Variants in NRDE2 observed in about 807,000 individuals in gnomAD.
NRDE2 encodes the protein nuclear exosome regulator NRDE2.
NRDE2 carries 76 observed loss-of-function variants against 124.2 expected under a neutral mutation model. The observed-to-expected ratio is 0.61, with a 90% CI of 0.51 to 0.74. NRDE2 has a LOEUF of 0.74. NRDE2 is among the 30% of genes least tolerant of loss of function. The probability of loss-of-function intolerance (pLI) is 0.00; values close to 1 mark genes in which losing one functional copy is unlikely to be tolerated. For missense variants in NRDE2, 1,314 were observed against 1,417.3 expected (o/e 0.93, Z 1.17); for synonymous variants, 489 against 528.1 (o/e 0.93, Z 1.01).
chr14:90,272,753 G>A lies in NRDE2; in HGVS notation c.*5583C>T, dbSNP rs1369229835. ...CCAAGGAGTGTGGACCTCACTATGC[G>A]TTCGCCACATCACACCCCCAGAGCT... is the stretch of plus-strand genomic sequence containing the variant. On this transcript the variant is annotated 3_prime_UTR_variant, in exon 14 of 14. Transcript: ENST00000354366. The surrounding 1 kb of genome is among the most constrained non-coding windows in gnomAD (Gnocchi z 4.5). The A allele has an allele frequency of 2.9e-5, 5 of 172,622 alleles. No homozygotes were observed. Among genetic ancestry groups the A allele is most frequent in the Admixed American group, 6.2e-5 (1 of 16,026 alleles). The allele number at this position is 172,622 out of a possible 1,614,324, so 10.7% of individuals were successfully genotyped here.
In NRDE2 at chr14:90,268,736, CA is replaced by C; in HGVS notation, c.*9599del. On this transcript the variant is annotated 3_prime_UTR_variant, in exon 14 of 14. Transcript: ENST00000354366. Reference sequence around the variant, plus strand: ...CTCACAGGTTGTAGGGATCAGATACCAAACATGGAAACAGAATAAATGATAC... The same window carrying C: ...CTCACAGGTTGTAGGGATCAGATACCAACATGGAAACAGAATAAATGATAC... 1 of 243,152 alleles carries C rather than the reference CA, an allele frequency of 4.1e-6. No homozygotes were observed. Among genetic ancestry groups the C allele is most frequent in the South Asian group, 1.3e-4 (1 of 7,648 alleles). 15.1% of individuals were successfully genotyped at this position (243,152 alleles called of 1,614,324 possible).
At position 90,331,937 on chromosome 14, in the gene NRDE2, G is replaced by C. The variant is rs370932239; in HGVS notation, c.-33C>G. The C allele has an allele frequency of 4.3e-4, 698 of 1,612,864 alleles. 2 individuals carry two copies. Among genetic ancestry groups the C allele is most frequent in the Non-Finnish European group, 5.8e-4 (683 of 1,179,356 alleles). ...GGCCGTACCTCCGTTCTTCTCTATA[G>C]GGATGGCGCCGGCGAGCGAGCGCCG... On this transcript the variant is annotated 5_prime_UTR_variant, in exon 1 of 14. Coordinates refer to ENST00000354366, the MANE Select transcript of NRDE2 (RefSeq NM_017970.4).
At chr14:90,310,521 CTTTT>C (rs35448297) in intron 4 of NRDE2, among the ~76,000 whole-genome samples, 2,260 of 136,148 alleles carry the variant, frequency 0.017, 49 homozygotes, top group African/African-American at 0.057. Flanking sequence ...GTTGACTGCC[CTTTT>C]TTTTTTTTTT....
In NRDE2 at chr14:90,304,175, T is replaced by C. The variant is rs1884513458; in HGVS notation, c.765A>G (p.Pro255=). The C allele has an allele frequency of 6.2e-7, 1 of 1,614,146 alleles. No individual in the cohort carries two copies. The highest frequency in any genetic ancestry group is 8.5e-7 in the Non-Finnish European group (1 of 1,180,022). The change falls in exon 5 of 14, where the codon CCA becomes CCG. Residue 255 remains proline, a synonymous_variant. Coordinates refer to ENST00000354366, the MANE Select transcript of NRDE2 (RefSeq NM_017970.4). The stretch of plus-strand genomic sequence containing the variant: ...GAGCCGCATCTTCCAAGTCCTTCAC[T>C]GGTATAAAGGAGATGGGCTCAGATG... The part of the protein sequence containing the change: ...PPSSEPISFI[P]VKDLEDAAPV...
intron 1 of NRDE2, among the ~76,000 whole-genome samples, chr14:90,320,168 G>A (rs561391786): frequency 7.6e-4 from 115 of 152,250 alleles, no homozygotes; most frequent in African/African-American, 2.6e-3. Context: ...AACTGTATTA[G>A]TCCGTTCTCA....
rs1168182346 is a variant in NRDE2 at position 90,272,409 on chromosome 14, G to A, written c.*5927C>T. On this transcript the variant is annotated 3_prime_UTR_variant, in exon 14 of 14. Transcript: ENST00000354366. The surrounding 1 kb of genome is among the most constrained non-coding windows in gnomAD (Gnocchi z 4.5). ...ACCCCTGAGGGGCTGTATCTCTAAT[G>A]AACCATGGCTGTCATCAGGAAAATG... 2 of 1,542,836 alleles carry A rather than the reference G, an allele frequency of 1.3e-6. No homozygotes were observed. The highest frequency in any genetic ancestry group is 1.4e-5 in the African/African-American group (1 of 71,512).
At chr14:90,324,468 G>T (rs996694389) in intron 1 of NRDE2, among the ~76,000 whole-genome samples, 2 of 152,048 alleles carry the variant, frequency 1.3e-5, no homozygotes, top group African/African-American at 4.8e-5. Context: ...TTGAGGTCAG[G>T]AGTTTGAGAC....
chr14:90,304,501 C>A (rs964219973), intron 4 of NRDE2, 119 bp from the exon 5 acceptor site: 1 of 659,212 alleles, frequency 1.5e-6, no homozygotes, highest in Non-Finnish European at 2.5e-6. Flanking sequence ...ACCAAATTCA[C>A]CTCACCTTCA....
rs1885061360 is a variant in NRDE2 at position 90,316,707 on chromosome 14, T to C, written c.278A>G (p.Gln93Arg). The change falls in exon 3 of 14, where the codon CAG becomes CGG. Residue 93 changes from glutamine (Q) to arginine (R), a missense_variant. Coordinates refer to ENST00000354366, the MANE Select transcript of NRDE2 (RefSeq NM_017970.4). ...CTTCCTCTTTGTTTTCTTATGATGCTGATGCTTCCTTTTTTTCTTTTTCTC... is the reference window on the plus strand; with the variant it reads ...CTTCCTCTTTGTTTTCTTATGATGCCGATGCTTCCTTTTTTTCTTTTTCTC... ...KKEKKKKRKH[Q>R]HHKKTKRKHG... is the part of the protein sequence containing the mutation. 2.5e-6 allele frequency: 4 copies of C among 1,613,856 alleles called. No homozygotes were observed. The highest frequency in any genetic ancestry group is 2.2e-5 in the South Asian group (2 of 90,946).
intron 4 of NRDE2, among the ~76,000 whole-genome samples, chr14:90,306,498 A>G (rs1450770321): frequency 1.3e-5 from 2 of 152,174 alleles, no homozygotes; most frequent in Non-Finnish European, 2.9e-5. Flanking sequence ...ACCTTAACAA[A>G]GGTGTGATGA....
intron 4 of NRDE2, among the ~76,000 whole-genome samples, chr14:90,310,166 T>C (rs1269900421): frequency 1.3e-5 from 2 of 152,212 alleles, no homozygotes; most frequent in African/African-American, 2.4e-5. Flanking sequence ...CCTGGGACTT[T>C]ATTGCTAGTA....
At chr14:90,302,071 T>C (rs1019613442) in intron 6 of NRDE2, among the ~76,000 whole-genome samples, 9 of 152,204 alleles carry the variant, frequency 5.9e-5, no homozygotes, top group African/African-American at 2.2e-4. Context: ...CGCCATGGAT[T>C]ATCTCGTTTA....
At chr14:90,316,519 A>G (rs1885052199) in intron 3 of NRDE2, 59 bp downstream of exon 3, 3 of 1,237,190 alleles carry the variant, frequency 2.4e-6, no homozygotes, top group Admixed American at 2.0e-5. Context: ...TGCGGCAACA[A>G]TTAAGGGAGA....
intron 10 of NRDE2, 33 bp downstream of exon 10, chr14:90,290,188 T>A: frequency 1.3e-6 from 2 of 1,597,048 alleles, no homozygotes; most frequent in Non-Finnish European, 8.6e-7. Context: ...AAATGAAAAG[T>A]CCCCAAACAT....
In NRDE2 at chr14:90,270,037, A is replaced by G; in HGVS notation, c.*8299T>C. The G allele has an allele frequency of 1.4e-6, 1 of 701,698 alleles. No individual in the cohort carries two copies. Among genetic ancestry groups the G allele is most frequent in the East Asian group, 2.8e-5 (1 of 35,682 alleles). 43.5% of individuals were successfully genotyped at this position (701,698 alleles called of 1,614,324 possible). A position where few individuals can be genotyped will look rare whatever the true frequency, so the allele number is the denominator to read the frequency against. On this transcript the variant is annotated 3_prime_UTR_variant, in exon 14 of 14. Coordinates refer to ENST00000354366, the MANE Select transcript of NRDE2 (RefSeq NM_017970.4). ...AGAATTCAAATGTAGAAATCTACAA[A>G]CTACAAAAATATATGTTTACTTTTT...
Position 90,276,218 on chromosome 14 carries a change from T to A in NRDE2, c.*2118A>T. 1 of 2,078 alleles carries A rather than the reference T, an allele frequency of 4.8e-4. No homozygotes were observed. Among genetic ancestry groups the A allele is most frequent in the South Asian group, 0.042 (1 of 24 alleles). The allele number at this position is 2,078 out of a possible 1,614,324, so 0.1% of individuals were successfully genotyped here. A position where few individuals can be genotyped will look rare whatever the true frequency, so the allele number is the denominator to read the frequency against. On this transcript the variant is annotated 3_prime_UTR_variant, in exon 14 of 14. Coordinates refer to ENST00000354366, the MANE Select transcript of NRDE2 (RefSeq NM_017970.4). ...CATGTCAGCAATCTCAAACGGGCTGTTTTTTTTTTTTTTTTTTCGAGACGG... is the reference window on the plus strand; with the variant it reads ...CATGTCAGCAATCTCAAACGGGCTGATTTTTTTTTTTTTTTTTCGAGACGG...
chr14:90,293,147 C>G (rs552554554), intron 8 of NRDE2, among the ~76,000 whole-genome samples: 1 of 152,148 alleles, frequency 6.6e-6, no homozygotes, highest in Admixed American at 6.5e-5. Context: ...TACTGTCCAA[C>G]AGAACTCGCT....
At chr14:90,298,124 C>G (rs2139684175) in intron 8 of NRDE2, 136 bp downstream of exon 8, 3 of 960,444 alleles carry the variant, frequency 3.1e-6, no homozygotes, top group Middle Eastern at 2.6e-4. Flanking sequence ...ATCTACTTAA[C>G]ATTTTTGACA....
intron 11 of NRDE2, among the ~76,000 whole-genome samples, chr14:90,286,725 C>T (rs1210540057): frequency 2.0e-5 from 3 of 152,138 alleles, no homozygotes; most frequent in Non-Finnish European, 4.4e-5. Flanking sequence ...TGAAGTCACA[C>T]AAAAACCCAC....
Sources: allele counts gnomAD v4.1 joint callset (sites outside exome capture counted in the v4.1 genomes callset), GRCh38; gene constraint gnomAD v4.1.1; non-coding constraint Gnocchi (gnomAD v3.1); transcripts MANE v1.5; gene names NCBI Gene and HGNC (gene_info 2026-07-23, HGNC 2026-07-21).